Variants in SORCS2 observed in about 807,000 individuals in gnomAD.
The protein encoded by SORCS2 is VPS10 domain-containing receptor SorCS2.
SORCS2 carries 100 observed loss-of-function variants against 141.6 expected under a neutral mutation model. The observed-to-expected ratio is 0.71, with a 90% CI of 0.60 to 0.83. The LOEUF (loss-of-function observed/expected upper bound fraction) is 0.83. Among genes scored for constraint, SORCS2 ranks in the 40% least tolerant of loss-of-function variants. The probability of loss-of-function intolerance (pLI) is 0.00; values close to 1 mark genes in which losing one functional copy is unlikely to be tolerated. For synonymous variants in SORCS2, 789 were observed against 676.9 expected, an observed-to-expected ratio of 1.17 and a Z score of -2.57; for missense variants, 1,646 against 1,560.2, an observed-to-expected ratio of 1.05 and a Z score of -0.93.
At chr4:7,420,817 C>A (rs558045394) in intron 2 of SORCS2, among the ~76,000 whole-genome samples, 1 of 152,192 alleles carries the variant, frequency 6.6e-6, no homozygotes, top group East Asian at 1.9e-4. Flanking sequence ...CGCCTGCCAC[C>A]GTCACAAGCT....
At chr4:7,348,085 A>G (rs1253711560) in intron 1 of SORCS2, among the ~76,000 whole-genome samples, 1 of 144,112 alleles carries the variant, frequency 6.9e-6, no homozygotes, top group African/African-American at 2.6e-5. Flanking sequence ...AAGATTAGCA[A>G]TAAAGATAGA....
At chr4:7,735,991 C>T (rs1231154697) in intron 25 of SORCS2, among the ~76,000 whole-genome samples, 1 of 152,254 alleles carries the variant, frequency 6.6e-6, no homozygotes, top group African/African-American at 2.4e-5. Context: ...AACCCCAGGG[C>T]TGTGACTCCA....
intron 25 of SORCS2, among the ~76,000 whole-genome samples, chr4:7,735,590 C>A (rs888688143): frequency 2.6e-5 from 4 of 152,098 alleles, no homozygotes; most frequent in African/African-American, 9.7e-5. Context: ...TGGTGGGGAT[C>A]CTGAAGGATG....
chr4:7,380,266 G>T (rs1722904441), intron 1 of SORCS2, among the ~76,000 whole-genome samples: 1 of 152,188 alleles, frequency 6.6e-6, no homozygotes, highest in African/African-American at 2.4e-5. Flanking sequence ...GGGGCCCCAA[G>T]AGGTGTCTGG....
At chr4:7,661,439 C>T in intron 5 of SORCS2, 61 bp from the exon 6 acceptor site, 1 of 1,525,722 alleles carries the variant, frequency 6.6e-7, no homozygotes, top group Non-Finnish European at 8.9e-7. Context: ...GTGTGGGGAG[C>T]AGCTGGGGGA....
intron 2 of SORCS2, chr4:7,433,756 A>G (rs766672830): frequency 6.2e-7 from 1 of 1,613,368 alleles, no homozygotes; most frequent in East Asian, 2.2e-5. Context: ...GGCATCATGG[A>G]CTGCCCGGGC....
chr4:7,725,440 G>A (rs1044398113), intron 20 of SORCS2, among the ~76,000 whole-genome samples, 153 bp downstream of exon 20: 1 of 152,204 alleles, frequency 6.6e-6, no homozygotes, highest in Non-Finnish European at 1.5e-5. Flanking sequence ...GTTGAGAGGG[G>A]CACACCCTCC....
intron 2 of SORCS2, among the ~76,000 whole-genome samples, chr4:7,470,386 T>TCCATCC (rs33913266): frequency 1.3e-5 from 2 of 152,006 alleles, no homozygotes; most frequent in Admixed American, 6.5e-5. Flanking sequence ...TCCATCCATC[T>TCCATCC]ATCCTTCCAT....
chr4:7,544,445 G>T (rs755886240), intron 3 of SORCS2, among the ~76,000 whole-genome samples: 1 of 152,190 alleles, frequency 6.6e-6, no homozygotes, highest in Admixed American at 6.5e-5. Context: ...AGCATATGGA[G>T]GCTCTAGGAT....
chr4:7,630,069 C>T (rs554285220), intron 3 of SORCS2, among the ~76,000 whole-genome samples: 16 of 152,296 alleles, frequency 1.1e-4, no homozygotes, highest in East Asian at 7.7e-4. Flanking sequence ...CAGCAGCCAC[C>T]GGCATGTCCC....
At chr4:7,638,279 G>C in intron 3 of SORCS2, 49 bp from the exon 4 acceptor site, 2 of 1,488,894 alleles carry the variant, frequency 1.3e-6, no homozygotes, top group Non-Finnish European at 1.8e-6. Flanking sequence ...TCTGGTGTCG[G>C]GGGAGAGGGG....
chr4:7,577,253 C>T (rs1715811144), intron 3 of SORCS2, among the ~76,000 whole-genome samples: 1 of 152,208 alleles, frequency 6.6e-6, no homozygotes, highest in Non-Finnish European at 1.5e-5. Flanking sequence ...AAAGACATGG[C>T]ACATCTCTCA....
At chr4:7,462,680 C>T (rs1729383185) in intron 2 of SORCS2, among the ~76,000 whole-genome samples, 1 of 151,680 alleles carries the variant, frequency 6.6e-6, no homozygotes, top group Non-Finnish European at 1.5e-5. Flanking sequence ...GACCTCAGTC[C>T]CTGGCTCTGG....
intron 1 of SORCS2, among the ~76,000 whole-genome samples, chr4:7,383,436 A>G (rs372229998): frequency 9.2e-5 from 14 of 152,300 alleles, no homozygotes; most frequent in African/African-American, 3.1e-4. Flanking sequence ...ACCTCTGTTC[A>G]GACATGACAG....
chr4:7,548,309 C>G (rs531651031), intron 3 of SORCS2, among the ~76,000 whole-genome samples: 3 of 152,098 alleles, frequency 2.0e-5, no homozygotes. Flanking sequence ...TCCTTGGCCT[C>G]GTGGGCAGTG....
Position 7,664,644 on chromosome 4 carries a change from A to G in SORCS2, c.1071+173A>G, listed in dbSNP as rs1290208199. Among the ~76,000 whole-genome samples, 2 of 152,222 alleles carry G rather than the reference A, an allele frequency of 1.3e-5. No individual in the cohort carries two copies. The highest frequency in any genetic ancestry group is 2.1e-4 in the South Asian group (1 of 4,832). ...CGTGGCTGTGGCTGCAGCCATCCAC[A>G]GAAGCCCTCGCAAGCCCAGAACTGT... On this transcript the variant is annotated intron_variant, in intron 7 of 26. Coordinates refer to ENST00000507866, the MANE Select transcript of SORCS2 (RefSeq NM_020777.3). This position sits in a 1 kb window ranked among gnomAD's most constrained non-coding sequence, Gnocchi z 4.7.
chr4:7,471,576 T>G (rs987141284), intron 2 of SORCS2, among the ~76,000 whole-genome samples: 2 of 152,194 alleles, frequency 1.3e-5, no homozygotes, highest in Non-Finnish European at 2.9e-5. Flanking sequence ...TCGCCGCCCC[T>G]ACCCCGTTCT....
chr4:7,333,875 A>T (rs1719816128), intron 1 of SORCS2, among the ~76,000 whole-genome samples: 1 of 152,200 alleles, frequency 6.6e-6, no homozygotes, highest in Non-Finnish European at 1.5e-5. Flanking sequence ...GCTGGAACTC[A>T]CAGTGGGAGC....
intron 3 of SORCS2, among the ~76,000 whole-genome samples, chr4:7,543,702 A>C: frequency 2.5e-5 from 2 of 80,920 alleles, no homozygotes; most frequent in African/African-American, 3.5e-5. Context: ...CCACCCATCC[A>C]TCCATCCACC....
Sources: allele counts gnomAD v4.1 joint callset (sites outside exome capture counted in the v4.1 genomes callset), GRCh38; gene constraint gnomAD v4.1.1; non-coding constraint Gnocchi (gnomAD v3.1); transcripts MANE v1.5; gene names NCBI Gene and HGNC (gene_info 2026-07-23, HGNC 2026-07-21).